TRPM3: variants seen among roughly 807,000 people sequenced by gnomAD.
TRPM3 encodes the protein long transient receptor potential channel 3.
In TRPM3, 77 loss-of-function variants were observed where a neutral mutation model predicts 181.2. That is an observed-to-expected ratio of 0.42 (90% CI 0.35 to 0.51). The LOEUF (loss-of-function observed/expected upper bound fraction) is 0.51, where lower values mean the gene tolerates loss of function less well. TRPM3 is among the 20% of genes least tolerant of loss of function. TRPM3 has a pLI of 0.01. For missense variants in TRPM3, 1,759 were observed against 2,196.7 expected, an observed-to-expected ratio of 0.80 and a Z score of 3.98; for synonymous variants, 745 against 796.4, an observed-to-expected ratio of 0.94 and a Z score of 1.09.
At position 70,847,160 on chromosome 9, in the gene TRPM3, A is replaced by G. The variant is rs1212814760; in HGVS notation, c.463-569T>C. Among the ~76,000 whole-genome samples, 12 of 152,194 alleles carry G rather than the reference A, an allele frequency of 7.9e-5. No individual in the cohort carries two copies. In the East Asian group the frequency reaches 2.3e-3, roughly 29 times the overall value. On this transcript the variant is annotated intron_variant, in intron 3 of 25. Coordinates refer to ENST00000677713, the MANE Select transcript of TRPM3 (RefSeq NM_001366145.2). The stretch of plus-strand genomic sequence containing the variant: ...ACAAGTAACAAAAGGCAGGACAACT[A>G]TTCTTGAAGAATAGTTGAAAATTTG...
intron 1 of TRPM3, among the ~76,000 whole-genome samples, chr9:71,151,238 T>C (rs1036878826): frequency 6.6e-5 from 10 of 152,092 alleles, no homozygotes; most frequent in Middle Eastern, 3.4e-3. Context: ...AAAAATAATA[T>C]TGGCAAATTC....
intron 1 of TRPM3, among the ~76,000 whole-genome samples, chr9:71,069,592 C>T (rs996625500): frequency 4.7e-5 from 7 of 150,504 alleles, no homozygotes; most frequent in African/African-American, 1.7e-4. Flanking sequence ...GGCCTGTATG[C>T]CAAAATTCCT....
At chr9:70,949,544 A>ATT (rs74311989) in intron 1 of TRPM3, among the ~76,000 whole-genome samples, 2 of 144,130 alleles carry the variant, frequency 1.4e-5, no homozygotes, top group African/African-American at 2.5e-5. Context: ...TTTGAATGTA[A>ATT]TTTTTTTTTT....
chr9:71,408,854 G>C (rs1328491820), intron 1 of TRPM3, among the ~76,000 whole-genome samples: 1 of 152,190 alleles, frequency 6.6e-6, no homozygotes, highest in Non-Finnish European at 1.5e-5. Flanking sequence ...CAGCCAGAGA[G>C]AAAGGTCGGG....
In TRPM3 at chr9:71,282,270, GAGAA is replaced by G. The variant is rs1184896427; in HGVS notation, c.183+164379_183+164382del. On this transcript the variant is annotated intron_variant, in intron 1 of 24. Coordinates refer to the TRPM3 transcript ENST00000357533. ...AAGAAAGAAAGAAAGGAAAGAAAGA[GAGAA>G]AGAAAGAAAAGAAAGAAAGAAAAAG... 3.6e-4 allele frequency among the ~76,000 whole-genome samples: 18 copies of G among 49,868 alleles called. 1 individual carries two copies. Among genetic ancestry groups the G allele is most frequent in the East Asian group, 1.3e-3 (3 of 2,322 alleles). 32.7% of individuals were successfully genotyped at this position (49,868 alleles called of 152,430 possible). A position where few individuals can be genotyped will look rare whatever the true frequency, so the allele number is the denominator to read the frequency against.
intron 1 of TRPM3, among the ~76,000 whole-genome samples, chr9:71,215,033 C>CCAAAAAA (rs2079757837): frequency 9.4e-6 from 1 of 105,824 alleles, no homozygotes; most frequent in East Asian, 2.6e-4. Context: ...CACCAAAAAA[C>CCAAAAAA]AAAAAAAAAA....
chr9:71,081,487 A>G (rs1387252903), intron 1 of TRPM3, among the ~76,000 whole-genome samples: 1 of 152,194 alleles, frequency 6.6e-6, no homozygotes, highest in South Asian at 2.1e-4. Context: ...TGCTTATTCA[A>G]TGTTAGATAT....
intron 1 of TRPM3, among the ~76,000 whole-genome samples, chr9:71,009,765 A>G (rs183750387): frequency 1.6e-3 from 241 of 152,312 alleles, no homozygotes; most frequent in African/African-American, 5.5e-3. Flanking sequence ...GAACCCAGAG[A>G]GCCAAAGCAA....
chr9:71,261,806 C>A (rs2083074922), intron 1 of TRPM3, among the ~76,000 whole-genome samples: 1 of 152,194 alleles, frequency 6.6e-6, no homozygotes, highest in East Asian at 1.9e-4. Context: ...ACTCCAGACC[C>A]TGTTTTCCTG....
chr9:71,438,325 G>C (rs1420807184), intron 1 of TRPM3, among the ~76,000 whole-genome samples: 1 of 152,062 alleles, frequency 6.6e-6, no homozygotes, highest in Non-Finnish European at 1.5e-5. Flanking sequence ...AATATCTGTG[G>C]GTATTAAGAA....
intron 7 of TRPM3, among the ~76,000 whole-genome samples, chr9:70,782,967 C>G (rs571456990): frequency 1.3e-5 from 2 of 151,864 alleles, no homozygotes; most frequent in African/African-American, 4.8e-5. Context: ...TAGGGAGAGA[C>G]GGGATGGTAC....
intron 1 of TRPM3, among the ~76,000 whole-genome samples, chr9:71,252,309 G>A (rs575429492): frequency 7.7e-4 from 117 of 152,146 alleles, no homozygotes; most frequent in African/African-American, 2.5e-3. Context: ...TGGATACAGC[G>A]TATCAGGGTA....
intron 1 of TRPM3, among the ~76,000 whole-genome samples, chr9:71,035,784 G>A (rs2058107353): frequency 6.6e-6 from 1 of 151,834 alleles, no homozygotes; most frequent in African/African-American, 2.4e-5. Context: ...ACTTTTACTG[G>A]GACTTGCTGT....
intron 1 of TRPM3, among the ~76,000 whole-genome samples, chr9:71,304,497 C>T (rs2087079387): frequency 6.6e-6 from 1 of 152,150 alleles, no homozygotes; most frequent in Non-Finnish European, 1.5e-5. Flanking sequence ...TTAAGGTTTA[C>T]AAATATCAAA....
chr9:71,106,994 G>A (rs35505257), intron 1 of TRPM3, among the ~76,000 whole-genome samples: 14,295 of 152,212 alleles, frequency 0.094, 893 homozygotes, highest in Non-Finnish European at 0.15. Flanking sequence ...CTGCATTTGC[G>A]CAGCTGGGGA....
chr9:70,874,087 A>G (rs2095834631), intron 1 of TRPM3, among the ~76,000 whole-genome samples: 1 of 151,940 alleles, frequency 6.6e-6, no homozygotes, highest in Non-Finnish European at 1.5e-5. Flanking sequence ...TCAATAAATT[A>G]TGATTTACAA....
intron 1 of TRPM3, among the ~76,000 whole-genome samples, chr9:71,159,675 T>A (rs2076183511): frequency 6.6e-6 from 1 of 152,134 alleles, no homozygotes. Context: ...ACCTGTTGTA[T>A]CTAATGCAAC....
At chr9:70,759,141 A>G (rs1034521051) in intron 8 of TRPM3, among the ~76,000 whole-genome samples, 7 of 152,228 alleles carry the variant, frequency 4.6e-5, no homozygotes, top group African/African-American at 7.2e-5. Context: ...ACAAGAAAAA[A>G]ACAAACAACC....
intron 1 of TRPM3, among the ~76,000 whole-genome samples, chr9:70,923,270 C>T (rs1339682219): frequency 6.6e-6 from 1 of 152,164 alleles, no homozygotes; most frequent in East Asian, 1.9e-4. Context: ...TTCATGTTCA[C>T]GTTTTATACT....
Sources: allele counts gnomAD v4.1 joint callset (sites outside exome capture counted in the v4.1 genomes callset), GRCh38; gene constraint gnomAD v4.1.1; transcripts MANE v1.5; gene names NCBI Gene and HGNC (gene_info 2026-07-23, HGNC 2026-07-21).